GABRA2: variants seen among roughly 807,000 people sequenced by gnomAD.
GABRA2 encodes gamma-aminobutyric acid type A receptor subunit alpha2, also known as gamma-aminobutyric acid receptor subunit alpha-2.
Under a neutral mutation model 48.7 loss-of-function variants are expected in GABRA2, and 16 were observed. That is an observed-to-expected ratio of 0.33 (90% confidence interval 0.22 to 0.50). The LOEUF (loss-of-function observed/expected upper bound fraction) is 0.50. Among genes scored for constraint, GABRA2 ranks in the 20% least tolerant of loss-of-function variants. GABRA2 has a pLI of 0.98. For synonymous variants in GABRA2, 185 were observed against 184.5 expected, an observed-to-expected ratio of 1.00 and a Z score of -0.02; for missense variants, 275 against 535.6, an observed-to-expected ratio of 0.51 and a Z score of 4.80.
At chr4:46,313,297 G>T (rs1490366899) in intron 4 of GABRA2, among the ~76,000 whole-genome samples, 1 of 151,860 alleles carries the variant, frequency 6.6e-6, no homozygotes, top group East Asian at 1.9e-4. Context: ...CAAAGAAACT[G>T]TAAATTATCA....
intron 9 of GABRA2, among the ~76,000 whole-genome samples, chr4:46,251,400 T>C (rs1714727890): frequency 6.6e-6 from 1 of 151,512 alleles, no homozygotes. Flanking sequence ...ACAACATTTT[T>C]TTTTACAATG....
chr4:46,264,986 C>CATATATATATATACATATATAT (rs1717802387), intron 8 of GABRA2, among the ~76,000 whole-genome samples: 1 of 107,470 alleles, frequency 9.3e-6, no homozygotes, highest in Non-Finnish European at 2.0e-5. Flanking sequence ...TTACTTTATA[C>CATATATATATATACATATATAT]ATATATATAT....
chr4:46,389,092 G>C (rs1211623828), intron 1 of GABRA2: 1 of 1,011,528 alleles, frequency 9.9e-7, no homozygotes, highest in Non-Finnish European at 1.2e-6. Flanking sequence ...AAAGGGAATG[G>C]GTTGGAGGGG....
chr4:46,351,302 C>T (rs953921806), intron 3 of GABRA2, among the ~76,000 whole-genome samples: 3 of 151,608 alleles, frequency 2.0e-5, no homozygotes, highest in Non-Finnish European at 4.4e-5. Context: ...ATTCACTAGA[C>T]GGGAGAGAGA....
At chr4:46,255,597 G>A (rs1715658748) in intron 9 of GABRA2, among the ~76,000 whole-genome samples, 2 of 151,420 alleles carry the variant, frequency 1.3e-5, no homozygotes, top group South Asian at 4.1e-4. Flanking sequence ...ACAGTTTGTT[G>A]AATGTTCAGT....
intron 8 of GABRA2, among the ~76,000 whole-genome samples, chr4:46,268,099 A>G (rs1304964428): frequency 6.6e-6 from 1 of 152,014 alleles, no homozygotes; most frequent in African/African-American, 2.4e-5. Flanking sequence ...ACAAAATCCT[A>G]GAATAAAAGA....
intron 4 of GABRA2, among the ~76,000 whole-genome samples, chr4:46,315,332 G>A: frequency 6.6e-6 from 1 of 151,818 alleles, no homozygotes; most frequent in East Asian, 1.9e-4. Context: ...TAATGAGGTT[G>A]TTTGGTTTTA....
chr4:46,361,393 C>T (rs147326121), intron 3 of GABRA2, among the ~76,000 whole-genome samples: 4,632 of 152,268 alleles, frequency 0.03, 91 homozygotes, highest in Non-Finnish European at 0.048. Context: ...AATCCCCAAG[C>T]CTTGGCAGCT....
intron 3 of GABRA2, among the ~76,000 whole-genome samples, chr4:46,333,447 T>C (rs190172903): frequency 1.1e-4 from 17 of 152,196 alleles, no homozygotes; most frequent in Admixed American, 9.2e-4. Flanking sequence ...ATATTTTCAC[T>C]GCTCTTGTAG....
intron 3 of GABRA2, among the ~76,000 whole-genome samples, chr4:46,362,519 A>C (rs900915898): frequency 1.3e-5 from 2 of 152,250 alleles, no homozygotes; most frequent in Admixed American, 1.3e-4. Flanking sequence ...AAGTCAAAAA[A>C]AGAAACACAA....
Position 46,246,581 on chromosome 4 carries a change from G to T in GABRA2, c.*3727C>A, listed in dbSNP as rs752798322. Among the ~76,000 whole-genome samples, 7 of 151,122 alleles carry T rather than the reference G, an allele frequency of 4.6e-5. No individual in the cohort carries two copies. The highest frequency in any genetic ancestry group is 8.9e-5 in the Non-Finnish European group (6 of 67,396). ...GGAAAATGAATGGCACTATAGGGTA[G>T]CAATGAGTCAGGTAGTAATCCCCTT... On this transcript the variant is annotated 3_prime_UTR_variant, in exon 10 of 10. Coordinates refer to ENST00000381620, the MANE Select transcript of GABRA2 (RefSeq NM_000807.4).
At position 46,390,059 on chromosome 4, in the gene GABRA2, G is replaced by GT; in HGVS notation, c.-336_-335insA. 7 of 276,120 alleles carry GT rather than the reference G, an allele frequency of 2.5e-5. No individual in the cohort carries two copies. Among genetic ancestry groups the GT allele is most frequent in the Non-Finnish European group, 3.8e-5 (7 of 185,776 alleles). 17.1% of individuals were successfully genotyped at this position (276,120 alleles called of 1,614,324 possible). A position where few individuals can be genotyped will look rare whatever the true frequency, so the allele number is the denominator to read the frequency against. On this transcript the variant is annotated 5_prime_UTR_variant, in exon 1 of 10. Transcript: ENST00000381620. ...AACGATGACAGGAGCTGGGGCCGGG[G>GT]GGGGAAATTGGGGGGACGCGGGCGG...
Position 46,390,095 on chromosome 4 carries a change from C to A in GABRA2, c.-371G>T. ...GGGGGACGCGGGCGGAGGCGCGGTGCGCGCCGGCGGTGGCGGGCACGAGCC... is the reference window on the plus strand; with the variant it reads ...GGGGGACGCGGGCGGAGGCGCGGTGAGCGCCGGCGGTGGCGGGCACGAGCC... On this transcript the variant is annotated 5_prime_UTR_variant, in exon 1 of 10. Transcript: ENST00000381620. The A allele has an allele frequency of 6.2e-6, 6 of 968,558 alleles. No homozygotes were observed. The highest frequency in any genetic ancestry group is 7.3e-6 in the Non-Finnish European group (6 of 816,878). 60.0% of individuals were successfully genotyped at this position (968,558 alleles called of 1,614,324 possible). A position where few individuals can be genotyped will look rare whatever the true frequency, so the allele number is the denominator to read the frequency against.
At chr4:46,282,766 A>G (rs1721774817) in intron 8 of GABRA2, among the ~76,000 whole-genome samples, 1 of 152,248 alleles carries the variant, frequency 6.6e-6, no homozygotes, top group African/African-American at 2.4e-5. Flanking sequence ...ATCCGATAAT[A>G]AACAATAATA....
At chr4:46,286,754 G>A (rs1165531989) in intron 8 of GABRA2, among the ~76,000 whole-genome samples, 2 of 151,994 alleles carry the variant, frequency 1.3e-5, no homozygotes, top group Non-Finnish European at 2.9e-5. Context: ...TTCCTTTTGT[G>A]AAAAGTCTGT....
At chr4:46,379,416 A>T (rs971533077) in intron 3 of GABRA2, among the ~76,000 whole-genome samples, 1 of 152,242 alleles carries the variant, frequency 6.6e-6, no homozygotes, top group African/African-American at 2.4e-5. Context: ...TTAAATAAAT[A>T]GGAAATGACA....
chr4:46,369,072 G>T (rs1488604380), intron 3 of GABRA2: 3 of 682,920 alleles, frequency 4.4e-6, no homozygotes, highest in African/African-American at 3.5e-5. Context: ...CTAACTAAAA[G>T]TTAGAAATCT....
At chr4:46,282,090 C>A (rs1297953750) in intron 8 of GABRA2, among the ~76,000 whole-genome samples, 1 of 152,120 alleles carries the variant, frequency 6.6e-6, no homozygotes, top group East Asian at 1.9e-4. Context: ...TCAATTTTCT[C>A]AGTGAAGTAC....
chr4:46,310,156 T>A lies in GABRA2; in HGVS notation c.559+17A>T. On this transcript the variant is annotated intron_variant, in intron 6 of 9. Transcript: ENST00000381620. ...ATATTATTGACCCAAAACATGTAAC[T>A]TCATCCCTGTACTTACAGCTGCCAA... 6.2e-7 allele frequency: 1 copy of A among 1,601,862 alleles called. No homozygotes were observed. Among genetic ancestry groups the A allele is most frequent in the Non-Finnish European group, 8.6e-7 (1 of 1,169,346 alleles).
Sources: gnomAD v4.1 joint callset for allele counts (sites outside exome capture counted in the v4.1 genomes callset) on GRCh38, gnomAD v4.1.1 for gene constraint, MANE v1.5 for transcripts, NCBI Gene and HGNC (gene_info 2026-07-23, HGNC 2026-07-21) for gene names.